Variants in MACROD2 observed in about 807,000 individuals in gnomAD.
MACROD2 encodes ADP-ribose glycohydrolase MACROD2.
In MACROD2, 36 loss-of-function variants were observed where a neutral mutation model predicts 70.4. The observed-to-expected ratio is 0.51, with a 90% CI of 0.39 to 0.68. MACROD2 has a LOEUF of 0.68. Ranked by LOEUF, MACROD2 falls within the 30% of genes least tolerant of loss-of-function variation. The pLI is 0.00. For missense variants in MACROD2, 496 were observed against 538.4 expected (o/e 0.92, Z 0.78); for synonymous variants, 172 against 178.8 (o/e 0.96, Z 0.30).
At chr20:15,401,966 T>C (rs2045936721) in intron 6 of MACROD2, among the ~76,000 whole-genome samples, 1 of 152,222 alleles carries the variant, frequency 6.6e-6, no homozygotes, top group Non-Finnish European at 1.5e-5. Context: ...TTAAATTTCC[T>C]AAATATCATT....
At chr20:14,193,233 G>A (rs567299166) in intron 3 of MACROD2, among the ~76,000 whole-genome samples, 10 of 152,284 alleles carry the variant, frequency 6.6e-5, no homozygotes, top group African/African-American at 1.9e-4. Context: ...ATGAACACAG[G>A]CTTCAGCCTC....
intron 5 of MACROD2, among the ~76,000 whole-genome samples, chr20:15,041,261 A>C (rs1053589470): frequency 1.3e-5 from 2 of 152,180 alleles, no homozygotes; most frequent in African/African-American, 4.8e-5. Flanking sequence ...GTTCCCAGTC[A>C]TTGGAAGGGG....
At chr20:14,231,991 G>GT (rs1224110630) in intron 3 of MACROD2, among the ~76,000 whole-genome samples, 1 of 151,090 alleles carries the variant, frequency 6.6e-6, no homozygotes, top group Non-Finnish European at 1.5e-5. Flanking sequence ...GGGGTTGTTT[G>GT]TTTTTTTTCT....
At chr20:15,281,298 A>G (rs568316462) in intron 6 of MACROD2, among the ~76,000 whole-genome samples, 1 of 152,312 alleles carries the variant, frequency 6.6e-6, no homozygotes, top group Non-Finnish European at 1.5e-5. Context: ...AACCAATCAT[A>G]TCTTCCCAAC....
At position 15,698,277 on chromosome 20, in the gene MACROD2, G is replaced by A. The variant is rs180768532; in HGVS notation, c.646-164468G>A. On this transcript the variant is annotated intron_variant, in intron 8 of 17. Coordinates refer to ENST00000684519, the MANE Select transcript of MACROD2 (RefSeq NM_001351661.2). The stretch of plus-strand genomic sequence containing the variant: ...CTTGTAGTGGTGGCTTGATAATGGC[G>A]AATTCTCTCAGCATTTGTTTGTCTG... Among the ~76,000 whole-genome samples, 6 of 151,716 alleles carry A rather than the reference G, an allele frequency of 4.0e-5. No individual in the cohort carries two copies. The East Asian group carries it at 5.9e-4, about 15-fold the overall frequency.
At chr20:14,862,620 T>TATATATAAATATATATATAA (rs1568841344) in intron 5 of MACROD2, among the ~76,000 whole-genome samples, 76 of 17,674 alleles carry the variant, frequency 4.3e-3, no homozygotes, top group African/African-American at 7.0e-3. Flanking sequence ...TATATAAATA[T>TATATATAAATATATATATAA]ATATATATAA....
intron 4 of MACROD2, among the ~76,000 whole-genome samples, chr20:14,662,361 G>T (rs1038520698): frequency 1.3e-5 from 2 of 152,040 alleles, no homozygotes; most frequent in Admixed American, 6.6e-5. Flanking sequence ...AGACTTCAAT[G>T]TAAAACCCAA....
intron 8 of MACROD2, among the ~76,000 whole-genome samples, chr20:15,831,804 C>G (rs765943996): frequency 6.6e-6 from 1 of 152,198 alleles, no homozygotes; most frequent in Non-Finnish European, 1.5e-5. Context: ...TGCTGGATAG[C>G]AAAGCCAGTC....
At chr20:14,419,923 A>G (rs1439423987) in intron 3 of MACROD2, among the ~76,000 whole-genome samples, 1 of 152,100 alleles carries the variant, frequency 6.6e-6, no homozygotes, top group Non-Finnish European at 1.5e-5. Context: ...TGGATAAATC[A>G]CAATTTAACC....
chr20:14,908,376 C>T (rs370268950), intron 5 of MACROD2, among the ~76,000 whole-genome samples: 2 of 151,604 alleles, frequency 1.3e-5, no homozygotes, highest in African/African-American at 2.4e-5. Context: ...TATTGTCGGC[C>T]ACGCATGGTG....
chr20:15,977,706 C>T (rs2066329340), intron 13 of MACROD2, among the ~76,000 whole-genome samples: 1 of 152,136 alleles, frequency 6.6e-6, no homozygotes, highest in Non-Finnish European at 1.5e-5. Context: ...ACAGACACAA[C>T]TACATCACGG....
chr20:15,446,006 C>A (rs1361884778), intron 7 of MACROD2, among the ~76,000 whole-genome samples: 1 of 152,250 alleles, frequency 6.6e-6, no homozygotes, highest in African/African-American at 2.4e-5. Context: ...TTAATATACA[C>A]CTTCTGCTAT....
chr20:16,036,829 A>T (rs1054521792), intron 15 of MACROD2, among the ~76,000 whole-genome samples: 1 of 151,976 alleles, frequency 6.6e-6, no homozygotes, highest in Non-Finnish European at 1.5e-5. Context: ...ATGCAAATTC[A>T]CATAAACATA....
chr20:14,472,876 A>G (rs775582369), intron 3 of MACROD2, among the ~76,000 whole-genome samples: 5 of 151,966 alleles, frequency 3.3e-5, no homozygotes, highest in Non-Finnish European at 5.9e-5. Context: ...GTATGTGTGT[A>G]TGTAGGTGTG....
chr20:14,102,184 A>G (rs2054310309), intron 3 of MACROD2, among the ~76,000 whole-genome samples: 1 of 151,204 alleles, frequency 6.6e-6, no homozygotes, highest in Non-Finnish European at 1.5e-5. Context: ...TTGTATTTCT[A>G]GTAGAGACGG....
At chr20:14,854,301 A>G (rs1358896907) in intron 5 of MACROD2, among the ~76,000 whole-genome samples, 1 of 152,186 alleles carries the variant, frequency 6.6e-6, no homozygotes, top group Non-Finnish European at 1.5e-5. Flanking sequence ...ATTAGTGACT[A>G]CTGAATGCTT....
chr20:14,520,477 G>T (rs1209598632), intron 4 of MACROD2, among the ~76,000 whole-genome samples: 1 of 149,914 alleles, frequency 6.7e-6, no homozygotes, highest in South Asian at 2.1e-4. Context: ...ACTGTTTGAG[G>T]TTTTTTTTGT....
chr20:15,725,017 G>T (rs2050840749), intron 8 of MACROD2, among the ~76,000 whole-genome samples: 1 of 152,124 alleles, frequency 6.6e-6, no homozygotes, highest in Non-Finnish European at 1.5e-5. Context: ...GGGAGGCGGA[G>T]CTTGCAGTGA....
chr20:15,100,550 C>T (rs2075864479), intron 5 of MACROD2, among the ~76,000 whole-genome samples: 1 of 152,146 alleles, frequency 6.6e-6, no homozygotes, highest in South Asian at 2.1e-4. Flanking sequence ...CACAGAATAC[C>T]ACATAAGCAG....
Sources: allele counts gnomAD v4.1 joint callset (sites outside exome capture counted in the v4.1 genomes callset), GRCh38; gene constraint gnomAD v4.1.1; transcripts MANE v1.5; gene names NCBI Gene and HGNC (gene_info 2026-07-23, HGNC 2026-07-21).